Variants in SHH observed in about 807,000 individuals in gnomAD.
SHH encodes the protein sonic hedgehog signaling molecule.
SHH carries 3 observed loss-of-function variants against 16.6 expected under a neutral mutation model. That is an observed-to-expected ratio of 0.18 (90% CI 0.08 to 0.47). The LOEUF (loss-of-function observed/expected upper bound fraction) is 0.47, where lower values mean the gene tolerates loss of function less well. Among genes scored for constraint, SHH ranks in the 20% least tolerant of loss-of-function variants. The pLI is 0.98. For synonymous variants in SHH, 351 were observed against 316.2 expected, an observed-to-expected ratio of 1.11 and a Z score of -1.17; for missense variants, 499 against 665.0, an observed-to-expected ratio of 0.75 and a Z score of 2.75.
intron 1 of SHH, among the ~76,000 whole-genome samples, chr7:155,810,467 G>T (rs1044151343): frequency 6.6e-6 from 1 of 152,228 alleles, no homozygotes. Flanking sequence ...CACGCAACGG[G>T]CACCCCATGG....
At position 155,806,562 on chromosome 7, in the gene SHH, G is replaced by T; in HGVS notation, c.301-5C>A. On this transcript the variant is annotated splice_region_variant and splice_polypyrimidine_tract_variant and intron_variant, in intron 1 of 2. Transcript: ENST00000297261. ...GTTCAACTTGTCCTTACACCTCTGCGAAGACAAGGGGACCCCCACCGACGG... is the reference window on the plus strand; with the variant it reads ...GTTCAACTTGTCCTTACACCTCTGCTAAGACAAGGGGACCCCCACCGACGG... 1 of 1,610,302 alleles carries T rather than the reference G, an allele frequency of 6.2e-7. No individual in the cohort carries two copies. The highest frequency in any genetic ancestry group is 8.5e-7 in the Non-Finnish European group (1 of 1,180,018).
chr7:155,806,853 A>G, intron 1 of SHH: 1 of 532,234 alleles, frequency 1.9e-6, no homozygotes, highest in Non-Finnish European at 3.5e-6. Context: ...AGAAGCAAAT[A>G]AAGTTTCTCT....
Position 155,802,954 on chromosome 7 carries a change from C to A in SHH, c.1335G>T (p.Trp445Cys). 6.5e-7 allele frequency: 1 copy of A among 1,549,222 alleles called. No homozygotes were observed. The change falls in exon 3 of 3, where the codon TGG becomes TGT. Residue 445 changes from tryptophan to cysteine, a missense_variant. Physicochemically the swap from Trp to Cys is radical, Grantham distance 215 (BLOSUM62 -2). This residue lies in a region of SHH where 299 missense variants were observed against 301.1 expected (regional missense o/e 0.99). Transcript: ENST00000297261. The part of the protein sequence containing the change: ...YSQLLYQIGT[W>C]LLDSEALHPL... The stretch of plus-strand genomic sequence containing the variant: ...GGTGCAGGGCCTCGCTGTCCAGGAG[C>A]CAGGTGCCTATTTGGTAGAGCAGCT...
In SHH at chr7:155,812,207, C is replaced by T. The variant is rs1332703898; in HGVS notation, c.-85G>A. 8.5e-6 allele frequency: 11 copies of T among 1,299,358 alleles called. No individual in the cohort carries two copies. Among genetic ancestry groups the T allele is most frequent in the Non-Finnish European group, 1.1e-5 (10 of 897,266 alleles). The allele number at this position is 1,299,358 out of a possible 1,614,324, so 80.5% of individuals were successfully genotyped here. A position where few individuals can be genotyped will look rare whatever the true frequency, so the allele number is the denominator to read the frequency against. ...CGCGGCGGGTGTGTGCGTGTGCGCTCTCTCTTGCGCTTTCCCTTCCTCGCT... is the reference window on the plus strand; with the variant it reads ...CGCGGCGGGTGTGTGCGTGTGCGCTTTCTCTTGCGCTTTCCCTTCCTCGCT... On this transcript the variant is annotated 5_prime_UTR_variant, in exon 1 of 3. Transcript: ENST00000297261.
Position 155,803,231 on chromosome 7 carries a change from G to C in SHH, c.1058C>G (p.Thr353Ser). The part of the protein sequence containing the change: ...GAYAPLTAQG[T>S]ILINRVLASC... ...GGCCAGCACCCGGTTGATGAGAATGGTGCCCTGGGCCGTGAGCGGCGCGTA... is the reference window on the plus strand; with the variant it reads ...GGCCAGCACCCGGTTGATGAGAATGCTGCCCTGGGCCGTGAGCGGCGCGTA... The change falls in exon 3 of 3, where the codon ACC becomes AGC. Residue 353 changes from threonine (T) to serine (S), a missense_variant. Thr to Ser is a moderately conservative substitution (Grantham distance 58). Transcript: ENST00000297261. The C allele has an allele frequency of 6.6e-7, 1 of 1,520,114 alleles. No individual in the cohort carries two copies. The highest frequency in any genetic ancestry group is 8.8e-7 in the Non-Finnish European group (1 of 1,140,962). The allele number at this position is 1,520,114 out of a possible 1,614,324, so 94.2% of individuals were successfully genotyped here. A position where few individuals can be genotyped will look rare whatever the true frequency, so the allele number is the denominator to read the frequency against.
chr7:155,805,094 C>G (rs986280149), intron 2 of SHH, among the ~76,000 whole-genome samples: 4 of 152,080 alleles, frequency 2.6e-5, no homozygotes, highest in Non-Finnish European at 5.9e-5. Flanking sequence ...CGGCTCCGCT[C>G]TCCCGGCGCG....
chr7:155,804,199 G>T (rs1038962138), intron 2 of SHH, among the ~76,000 whole-genome samples: 28 of 151,626 alleles, frequency 1.8e-4, no homozygotes, highest in African/African-American at 6.8e-4. Context: ...CGCGCACTCA[G>T]CACCCGGGCT....
rs753271165 is a variant in SHH, at chr7:155,812,131, T to C, written c.-9A>G. 24 of 1,613,776 alleles carry C rather than the reference T, an allele frequency of 1.5e-5. No individual in the cohort carries two copies. The highest frequency in any genetic ancestry group is 2.5e-6 in the Non-Finnish European group (3 of 1,179,914). On this transcript the variant is annotated 5_prime_UTR_variant, in exon 1 of 3. It removes an upstream start codon present in the reference 5' UTR. Transcript: ENST00000297261. ...CTCGCCAGCAGCAGCATCTCGCCCA[T>C]GGAACTGATGACTTCCGAGCTGTCC... is the stretch of plus-strand genomic sequence containing the variant.
At chr7:155,810,423 T>A (rs1015497546) in intron 1 of SHH, among the ~76,000 whole-genome samples, 8 of 152,192 alleles carry the variant, frequency 5.3e-5, no homozygotes, top group Admixed American at 5.2e-4. Context: ...GATGGGCGCC[T>A]CGGGCTAGCC....
Position 155,802,735 on chromosome 7 carries a change from G to A in SHH, c.*165C>T, listed in dbSNP as rs901568770. The A allele has an allele frequency of 2.3e-6, 1 of 433,500 alleles. No homozygotes were observed. The highest frequency in any genetic ancestry group is 3.6e-5 in the East Asian group (1 of 28,158). 26.9% of individuals were successfully genotyped at this position (433,500 alleles called of 1,614,324 possible). On this transcript the variant is annotated 3_prime_UTR_variant, in exon 3 of 3. Transcript: ENST00000297261. ...AAGCACAACAACAAAACTTCCCGGG[G>A]TCCTTGTTTCCTTAGAGTCTACTTT...
intron 1 of SHH, among the ~76,000 whole-genome samples, chr7:155,810,481 G>A (rs1418725360): frequency 2.0e-5 from 3 of 152,230 alleles, no homozygotes; most frequent in Admixed American, 2.0e-4. Flanking sequence ...CCCATGGCCC[G>A]TGCAGAGTTA....
In SHH at chr7:155,805,663, C is replaced by T. The variant is rs1803338650; in HGVS notation, c.562+633G>A. Among the ~76,000 whole-genome samples, 3 of 152,304 alleles carry T rather than the reference C, an allele frequency of 2.0e-5. No homozygotes were observed. In the South Asian group the frequency reaches 6.2e-4, roughly 32 times the overall value. ...CCCAGAGAAGACAGCCTCGCGCCGA[C>T]TCGGGCCGGCGTTTCGGGGCCTGCC... On this transcript the variant is annotated intron_variant, in intron 2 of 2. Transcript: ENST00000297261.
chr7:155,800,809 C>T lies in SHH; in HGVS notation c.*2091G>A, dbSNP rs1803163666. ...AAGGGCAGACCCGTAGCAGAGCAGACCCTCAGGGACTGGGCCCAACCTCGG... is the reference window on the plus strand; with the variant it reads ...AAGGGCAGACCCGTAGCAGAGCAGATCCTCAGGGACTGGGCCCAACCTCGG... On this transcript the variant is annotated 3_prime_UTR_variant, in exon 3 of 3. Coordinates refer to ENST00000297261, the MANE Select transcript of SHH (RefSeq NM_000193.4). 1 of 358,188 alleles carries T rather than the reference C, an allele frequency of 2.8e-6. No homozygotes were observed. Among genetic ancestry groups the T allele is most frequent in the Non-Finnish European group, 5.5e-6 (1 of 180,570 alleles). 22.2% of individuals were successfully genotyped at this position (358,188 alleles called of 1,614,324 possible).
rs1303961828 is a variant in SHH at position 155,803,291 on chromosome 7, T to C, written c.998A>G (p.His333Arg). 6.7e-7 allele frequency: 1 copy of C among 1,492,648 alleles called. No homozygotes were observed. The highest frequency in any genetic ancestry group is 1.3e-5 in the South Asian group (1 of 78,978). The allele number at this position is 1,492,648 out of a possible 1,614,324, so 92.5% of individuals were successfully genotyped here. Residue 333 changes from histidine (H) to arginine (R), a missense_variant, in exon 3 of 3, where the codon CAC (histidine) becomes CGC (arginine). His to Arg is a conservative substitution (Grantham distance 29, BLOSUM62 0). Transcript: ENST00000297261. ...GGCCTCCTCGCTTAGGGTCACGCTG[T>C]GCACAGCGGCGGGCAGGAGCCGGCG... is the stretch of plus-strand genomic sequence containing the variant. ...GDRRLLPAAV[H>R]SVTLSEEAAG...
In SHH at chr7:155,811,807, GGC is replaced by G; in HGVS notation, c.300+14_300+15del. The G allele has an allele frequency of 6.2e-7, 1 of 1,613,810 alleles. No homozygotes were observed. The highest frequency in any genetic ancestry group is 1.1e-5 in the South Asian group (1 of 91,074). ...TGGAAAGCCACACATTCCACGCCCC[GGC>G]GCTGGGTTCCTACCTGAGTCATCAG... On this transcript the variant is annotated intron_variant, in intron 1 of 2. Transcript: ENST00000297261.
In SHH at chr7:155,802,076, C is replaced by CAAAAAAAAAAAAAAAAAAAAAAAAAAAA. The variant is rs10596345; in HGVS notation, c.*823_*824insTTTTTTTTTTTTTTTTTTTTTTTTTTTT. 1.1e-5 allele frequency: 1 copy of CAAAAAAAAAAAAAAAAAAAAAAAAAAAA among 91,222 alleles called. No homozygotes were observed. Among genetic ancestry groups the CAAAAAAAAAAAAAAAAAAAAAAAAAAAA allele is most frequent in the African/African-American group, 4.4e-5 (1 of 22,624 alleles). The allele number at this position is 91,222 out of a possible 1,614,324, so 5.7% of individuals were successfully genotyped here. A position where few individuals can be genotyped will look rare whatever the true frequency, so the allele number is the denominator to read the frequency against. On this transcript the variant is annotated 3_prime_UTR_variant, in exon 3 of 3. Transcript: ENST00000297261. The stretch of plus-strand genomic sequence containing the variant: ...AAAATAACAGTTCTTCCAGTTTGTC[C>CAAAAAAAAAAAAAAAAAAAAAAAAAAAA]AAAAAAAAAAAAAAAAAAAAAAAAG...
chr7:155,804,943 T>C (rs1426321475), intron 2 of SHH, among the ~76,000 whole-genome samples: 2 of 152,234 alleles, frequency 1.3e-5, no homozygotes, highest in African/African-American at 4.8e-5. Flanking sequence ...GGCTGGCCGT[T>C]GGAGGCCCTC....
In SHH at chr7:155,811,887, T is replaced by C. The variant is rs754993269; in HGVS notation, c.236A>G (p.Asn79Ser). ...CTTAAATATGATGTCGGGGTTGTAA[T>C]TGGGGGTGAGTTCCTTAAATCGCTC... ...NSERFKELTP[N>S]YNPDIIFKDE... Residue 79 changes from asparagine to serine, a missense_variant, in exon 1 of 3, where the codon AAT becomes AGT. Around this residue, in one of 4 missense-constraint regions of SHH, gnomAD observed 75 missense variants for 115.0 expected, o/e 0.65. Transcript: ENST00000297261. The C allele has an allele frequency of 8.1e-6, 13 of 1,614,020 alleles. No individual in the cohort carries two copies. In the African/African-American group the frequency reaches 9.3e-5, roughly 12 times the overall value.
intron 1 of SHH, 44 bp from the exon 2 acceptor site, chr7:155,806,601 G>C: frequency 6.2e-7 from 1 of 1,610,446 alleles, no homozygotes; most frequent in Non-Finnish European, 8.5e-7. Flanking sequence ...CGTTAGCCTG[G>C]GCAACCGCCA....
Sources: gnomAD v4.1 joint callset for allele counts (sites outside exome capture counted in the v4.1 genomes callset) on GRCh38, gnomAD v4.1.1 for gene constraint, gnomAD v4.1.1 regional missense constraint, MANE v1.5 for transcripts, NCBI Gene and HGNC (gene_info 2026-07-23, HGNC 2026-07-21) for gene names.